RAB40B: variants seen among roughly 807,000 people sequenced by gnomAD.
RAB40B encodes ras-related protein Rab-40B.
In RAB40B, 21 loss-of-function variants were observed where a neutral mutation model predicts 24.0. The observed-to-expected ratio is 0.88, with a 90% CI of 0.62 to 1.26. The LOEUF is 1.26. Among genes scored for constraint, RAB40B ranks in the 50% most tolerant of loss-of-function variants. The pLI, the probability that RAB40B is intolerant of heterozygous loss-of-function variation, is 0.00. For missense variants in RAB40B, 348 were observed against 390.5 expected (o/e 0.89, Z 0.92); for synonymous variants, 167 against 169.8 (o/e 0.98, Z 0.13).
rs2046386018 is a variant in RAB40B, at chr17:82,675,491, G to A, written c.143-10935C>T. On this transcript the variant is annotated intron_variant, in intron 1 of 5. Transcript: ENST00000571995. This position sits in a 1 kb window ranked among gnomAD's most constrained non-coding sequence, Gnocchi z 4.5. ...TTTACCCCATACTTCAGAACTGGGG[G>A]TGGGGCAGGGTAGGGTAGTACCTTA... 6.6e-6 allele frequency among the ~76,000 whole-genome samples: 1 copy of A among 152,192 alleles called. No individual in the cohort carries two copies. Among genetic ancestry groups the A allele is most frequent in the African/African-American group, 2.4e-5 (1 of 41,430 alleles).
rs987091561 is a variant in RAB40B at position 82,662,377 on chromosome 17, C to T, written c.204-1330G>A. 149 of 985,306 alleles carry T rather than the reference C, an allele frequency of 1.5e-4. 1 individual carries two copies. The highest frequency in any genetic ancestry group is 4.2e-4 in the African/African-American group (24 of 57,244). The allele number at this position is 985,306 out of a possible 1,614,324, so 61.0% of individuals were successfully genotyped here. A position where few individuals can be genotyped will look rare whatever the true frequency, so the allele number is the denominator to read the frequency against. ...CAATCTGCCAGCTTCGCAGGGAGGC[C>T]GAAGGGCCAGCACGTGCTGTCAGAG... On this transcript the variant is annotated intron_variant, in intron 2 of 5. Coordinates refer to ENST00000571995, the MANE Select transcript of RAB40B (RefSeq NM_006822.3).
chr17:82,678,879 G>GTCTTTTTTTTTTTTTTTTTT (rs2046420561), intron 1 of RAB40B, among the ~76,000 whole-genome samples: 1 of 99,164 alleles, frequency 1.0e-5, no homozygotes, highest in African/African-American at 3.9e-5. Flanking sequence ...CCCTTTCTGC[G>GTCTTTTTTTTTTTTTTTTTT]TTTTTTTTTT....
At chr17:82,660,214 T>A (rs2046147343) in intron 3 of RAB40B, among the ~76,000 whole-genome samples, 1 of 151,816 alleles carries the variant, frequency 6.6e-6, no homozygotes, top group South Asian at 2.1e-4. Context: ...CATGCACAGA[T>A]GCACACACAG....
intron 1 of RAB40B, among the ~76,000 whole-genome samples, chr17:82,673,074 G>A (rs1311160935): frequency 6.6e-6 from 1 of 152,112 alleles, no homozygotes; most frequent in Non-Finnish European, 1.5e-5. Context: ...CATGGTGGTG[G>A]GCGCCTGTAG....
chr17:82,665,597 T>A (rs2046245194), intron 1 of RAB40B, among the ~76,000 whole-genome samples: 1 of 152,026 alleles, frequency 6.6e-6, no homozygotes, highest in Non-Finnish European at 1.5e-5. Flanking sequence ...CTGGATGCGG[T>A]GGCTGACGCC....
chr17:82,662,854 A>G, intron 2 of RAB40B: 1 of 979,090 alleles, frequency 1.0e-6, no homozygotes. Flanking sequence ...GAGCTGGGAG[A>G]GGGCACGCGC....
intron 1 of RAB40B, among the ~76,000 whole-genome samples, chr17:82,687,066 G>A (rs988572480): frequency 6.6e-6 from 1 of 151,948 alleles, no homozygotes; most frequent in East Asian, 1.9e-4. Flanking sequence ...GAAGACTCTT[G>A]TCTGTGGGCC....
chr17:82,676,902 A>G (rs533237803), intron 1 of RAB40B, among the ~76,000 whole-genome samples: 2 of 151,556 alleles, frequency 1.3e-5, no homozygotes, highest in South Asian at 2.1e-4. Context: ...CTGGGATTAT[A>G]GGCGTGAGCT....
At position 82,681,041 on chromosome 17, in the gene RAB40B, A is replaced by G. The variant is rs867764274; in HGVS notation, c.143-16485T>C. Among the ~76,000 whole-genome samples, 319 of 118,978 alleles carry G rather than the reference A, an allele frequency of 2.7e-3. 4 individuals are homozygous for G. The highest frequency in any genetic ancestry group is 9.1e-3 in the Middle Eastern group (2 of 220). 78.1% of individuals were successfully genotyped at this position (118,978 alleles called of 152,430 possible). A position where few individuals can be genotyped will look rare whatever the true frequency, so the allele number is the denominator to read the frequency against. On this transcript the variant is annotated intron_variant, in intron 1 of 5. Coordinates refer to ENST00000571995, the MANE Select transcript of RAB40B (RefSeq NM_006822.3). ...ATCTCAAAAAAAAAAAAAAAAAAAA[A>G]AAAAAAAAAGAAAGAGAAAAGAAAA...
rs563132358 is a variant in RAB40B at position 82,675,065 on chromosome 17, G to A, written c.143-10509C>T. 2.6e-5 allele frequency among the ~76,000 whole-genome samples: 4 copies of A among 152,280 alleles called. No homozygotes were observed. In the South Asian group the frequency reaches 8.3e-4, roughly 32 times the overall value. ...TGGTAGAAAACCCACAAAGCACAAT[G>A]ACTGGAGAGAGAGAGAGAAAACATC... On this transcript the variant is annotated intron_variant, in intron 1 of 5. Coordinates refer to ENST00000571995, the MANE Select transcript of RAB40B (RefSeq NM_006822.3). The surrounding 1 kb of genome is among the most constrained non-coding windows in gnomAD (Gnocchi z 4.5).
At chr17:82,670,534 ATTTT>A (rs200923067) in intron 1 of RAB40B, among the ~76,000 whole-genome samples, 2 of 129,772 alleles carry the variant, frequency 1.5e-5, no homozygotes, top group Admixed American at 7.9e-5. Flanking sequence ...AGAATTCCTG[ATTTT>A]TTTTTTTTTT....
At chr17:82,658,749 C>T (rs992531241) in intron 4 of RAB40B, 36 bp from the exon 5 acceptor site, 1 of 1,559,916 alleles carries the variant, frequency 6.4e-7, no homozygotes, top group African/African-American at 1.4e-5. Flanking sequence ...GCATGGGTTA[C>T]TTCAGTGAGA....
At chr17:82,664,172 C>T (rs1434982523) in intron 2 of RAB40B, among the ~76,000 whole-genome samples, 16 of 84,186 alleles carry the variant, frequency 1.9e-4, no homozygotes, top group East Asian at 1.0e-3. Context: ...TCCCCGGGGG[C>T]GCTGTGCCGA....
intron 1 of RAB40B, among the ~76,000 whole-genome samples, chr17:82,677,239 T>A (rs2677928): frequency 0.63 from 96,035 of 151,934 alleles, 30,887 homozygotes; most frequent in Admixed American, 0.75. Context: ...GAGCCACCGC[T>A]CCCGGCCAGC....
intron 1 of RAB40B, among the ~76,000 whole-genome samples, chr17:82,691,424 G>A (rs1373127391): frequency 1.3e-5 from 2 of 152,060 alleles, no homozygotes. Flanking sequence ...GGTGGCTCAC[G>A]CCTGTAATCC....
chr17:82,670,597 C>T (rs967391852), intron 1 of RAB40B, among the ~76,000 whole-genome samples: 2 of 148,736 alleles, frequency 1.3e-5, no homozygotes, highest in Non-Finnish European at 3.0e-5. Flanking sequence ...TGCAGTGGCG[C>T]GATCTCAGCT....
At chr17:82,694,535 A>T (rs73359135) in intron 1 of RAB40B, among the ~76,000 whole-genome samples, 31,441 of 150,914 alleles carry the variant, frequency 0.21, 3,600 homozygotes, top group African/African-American at 0.25. Flanking sequence ...ACATCTAAGA[A>T]AAAAAAAATA....
chr17:82,657,432 G>A lies in RAB40B; in HGVS notation c.*431C>T, dbSNP rs941524587. On this transcript the variant is annotated 3_prime_UTR_variant, in exon 6 of 6. Coordinates refer to ENST00000571995, the MANE Select transcript of RAB40B (RefSeq NM_006822.3). ...AAATTGGCGCTTTGACATTGAAAAG[G>A]AGGTTTACAAAAAGACCCCTCTCGT... 1 of 324,494 alleles carries A rather than the reference G, an allele frequency of 3.1e-6. No homozygotes were observed. The highest frequency in any genetic ancestry group is 6.0e-6 in the Non-Finnish European group (1 of 167,864). 20.1% of individuals were successfully genotyped at this position (324,494 alleles called of 1,614,324 possible). A position where few individuals can be genotyped will look rare whatever the true frequency, so the allele number is the denominator to read the frequency against.
intron 1 of RAB40B, among the ~76,000 whole-genome samples, chr17:82,672,417 T>TCACTGAC (rs2046351396): frequency 6.9e-6 from 1 of 145,234 alleles, no homozygotes; most frequent in African/African-American, 2.5e-5. Context: ...ACGCTCCCTG[T>TCACTGAC]ACAGTTTTGT....
Sources: allele counts gnomAD v4.1 joint callset (sites outside exome capture counted in the v4.1 genomes callset), GRCh38; gene constraint gnomAD v4.1.1; non-coding constraint Gnocchi (gnomAD v3.1); transcripts MANE v1.5; gene names NCBI Gene and HGNC (gene_info 2026-07-23, HGNC 2026-07-21).